ZNHIT6: variants seen among roughly 807,000 people sequenced by gnomAD.
ZNHIT6 encodes the protein box C/D snoRNA protein 1.
ZNHIT6 carries 45 observed loss-of-function variants against 57.2 expected under a neutral mutation model. That is an observed-to-expected ratio of 0.79 (90% CI 0.62 to 1.01). The LOEUF (loss-of-function observed/expected upper bound fraction) is 1.01. Ranked by LOEUF, ZNHIT6 falls within the 50% of genes least tolerant of loss-of-function variation. ZNHIT6 has a pLI of 0.00. For missense variants in ZNHIT6, 528 were observed against 567.3 expected (o/e 0.93, Z 0.70); for synonymous variants, 188 against 190.0 (o/e 0.99, Z 0.09).
At chr1:85,655,078 A>G (rs1661025791) in intron 9 of ZNHIT6, among the ~76,000 whole-genome samples, 1 of 152,192 alleles carries the variant, frequency 6.6e-6, no homozygotes. Flanking sequence ...TTCTAAGAGT[A>G]AGGCACTGAA....
chr1:85,694,474 T>TA (rs1169391316), intron 5 of ZNHIT6, among the ~76,000 whole-genome samples: 1 of 151,858 alleles, frequency 6.6e-6, no homozygotes, highest in Non-Finnish European at 1.5e-5. Context: ...TTTTCTTTTT[T>TA]TTTTTGAGAC....
intron 5 of ZNHIT6, among the ~76,000 whole-genome samples, chr1:85,683,519 T>C (rs1337141468): frequency 6.7e-6 from 1 of 148,448 alleles, no homozygotes; most frequent in East Asian, 2.0e-4. Context: ...CAAGATTCCG[T>C]CACAGAAAAA....
At chr1:85,688,498 A>G (rs1390086565) in intron 5 of ZNHIT6, among the ~76,000 whole-genome samples, 1 of 152,248 alleles carries the variant, frequency 6.6e-6, no homozygotes, top group Non-Finnish European at 1.5e-5. Context: ...ATATTTTAAA[A>G]TCATTTTTAA....
Position 85,649,829 on chromosome 1 carries a change from C to G in ZNHIT6, c.*4229G>C, listed in dbSNP as rs530252307. The G allele has an allele frequency of 3.3e-5, 5 of 151,758 alleles. No individual in the cohort carries two copies. The highest frequency in any genetic ancestry group is 1.2e-4 in the African/African-American group (5 of 41,334). The allele number at this position is 151,758 out of a possible 1,614,324, so 9.4% of individuals were successfully genotyped here. A position where few individuals can be genotyped will look rare whatever the true frequency, so the allele number is the denominator to read the frequency against. On this transcript the variant is annotated 3_prime_UTR_variant, in exon 10 of 10. Transcript: ENST00000370574. The stretch of plus-strand genomic sequence containing the variant: ...GTGCATCTGCTCAAACTAGCAACAA[C>G]ATGATGTCAAATAAAAATGGATGGC...
intron 5 of ZNHIT6, among the ~76,000 whole-genome samples, chr1:85,689,952 C>G (rs1240631862): frequency 6.6e-6 from 1 of 152,062 alleles, no homozygotes; most frequent in African/African-American, 2.4e-5. Flanking sequence ...AAAATGAATA[C>G]CAGCACTAAA....
chr1:85,692,384 T>A (rs1662245129), intron 5 of ZNHIT6, among the ~76,000 whole-genome samples: 1 of 152,224 alleles, frequency 6.6e-6, no homozygotes, highest in East Asian at 1.9e-4. Flanking sequence ...CCCTTACCAC[T>A]GTCTGCATGG....
At chr1:85,701,315 A>C (rs1403616014) in intron 5 of ZNHIT6, among the ~76,000 whole-genome samples, 6 of 152,190 alleles carry the variant, frequency 3.9e-5, no homozygotes, top group African/African-American at 1.4e-4. Flanking sequence ...AGAGAAAGGA[A>C]GTTGATTTGT....
rs547922579 is a variant in ZNHIT6, at chr1:85,678,322, T to C, written c.1169+379A>G. On this transcript the variant is annotated intron_variant, in intron 7 of 9. Transcript: ENST00000370574. ...CTCAAAGGTAGTTTAGTTTAAGGGT[T>C]AAGAGTAAAGACTTTGACTCCAGAC... 4.6e-5 allele frequency among the ~76,000 whole-genome samples: 7 copies of C among 152,288 alleles called. No individual in the cohort carries two copies. In the South Asian group the frequency reaches 1.4e-3, roughly 32 times the overall value.
chr1:85,705,936 T>G, intron 4 of ZNHIT6, 142 bp downstream of exon 4: 1 of 671,474 alleles, frequency 1.5e-6, no homozygotes, highest in Non-Finnish European at 2.5e-6. Context: ...GGACTTTGTT[T>G]GGGTCACAGC....
chr1:85,689,322 A>G (rs1407595749), intron 5 of ZNHIT6, among the ~76,000 whole-genome samples: 1 of 152,196 alleles, frequency 6.6e-6, no homozygotes, highest in Non-Finnish European at 1.5e-5. Flanking sequence ...AGTCTCTCAA[A>G]AATAAATGGA....
chr1:85,701,688 A>G (rs1012583478), intron 5 of ZNHIT6, among the ~76,000 whole-genome samples: 1 of 152,188 alleles, frequency 6.6e-6, no homozygotes, highest in African/African-American at 2.4e-5. Context: ...TTGTCCTGGA[A>G]GCCCCTGAAA....
chr1:85,663,923 C>T (rs1661291910), intron 8 of ZNHIT6, among the ~76,000 whole-genome samples: 3 of 117,786 alleles, frequency 2.5e-5, no homozygotes, highest in South Asian at 7.0e-4. Flanking sequence ...GTAGGTGATC[C>T]GTCTCTGTAG....
intron 5 of ZNHIT6, among the ~76,000 whole-genome samples, chr1:85,686,317 T>C (rs1438963594): frequency 1.3e-5 from 2 of 152,142 alleles, no homozygotes; most frequent in Non-Finnish European, 2.9e-5. Flanking sequence ...CATTTAAGAA[T>C]TCTCTTTTGC....
intron 8 of ZNHIT6, among the ~76,000 whole-genome samples, chr1:85,661,571 C>A (rs1487809064): frequency 6.6e-6 from 1 of 152,178 alleles, no homozygotes; most frequent in East Asian, 1.9e-4. Context: ...TGTAGCCTTA[C>A]AACTTTCTGT....
chr1:85,707,657 C>T lies in ZNHIT6; in HGVS notation c.628G>A (p.Gly210Ser), dbSNP rs200373196. ...KEEPPINHPV[G>S]CKRKLAMSRC... The stretch of plus-strand genomic sequence containing the variant: ...GACATGGCCAGTTTCCGCTTGCAGC[C>T]CACCGGGTGATTTATCGGAGGCTCT... Residue 210 changes from glycine to serine, a missense_variant, in exon 1 of 10, where the codon GGC (glycine) becomes AGC (serine). By Grantham distance (56) the Gly-to-Ser change is moderately conservative. Transcript: ENST00000370574. 13 of 1,558,780 alleles carry T rather than the reference C, an allele frequency of 8.3e-6. No individual in the cohort carries two copies. The highest frequency in any genetic ancestry group is 1.0e-5 in the Non-Finnish European group (12 of 1,157,004).
chr1:85,706,637 C>T, intron 1 of ZNHIT6, 130 bp from the exon 2 acceptor site: 1 of 833,956 alleles, frequency 1.2e-6, no homozygotes. Context: ...TGTTGAACAT[C>T]ATTTGAAAAT....
intron 5 of ZNHIT6, among the ~76,000 whole-genome samples, chr1:85,700,837 C>T (rs144913454): frequency 3.3e-5 from 5 of 152,228 alleles, no homozygotes; most frequent in African/African-American, 9.6e-5. Flanking sequence ...GACAGGGTCT[C>T]ATTCTGTCAC....
chr1:85,683,905 T>G (rs919415888), intron 5 of ZNHIT6, among the ~76,000 whole-genome samples: 1 of 152,024 alleles, frequency 6.6e-6, no homozygotes, highest in Non-Finnish European at 1.5e-5. Context: ...ACCCTCTAGA[T>G]GAGTGTTCCA....
intron 8 of ZNHIT6, among the ~76,000 whole-genome samples, chr1:85,665,531 A>G (rs1037029324): frequency 1.3e-5 from 2 of 152,066 alleles, no homozygotes; most frequent in Non-Finnish European, 2.9e-5. Flanking sequence ...TTTTCTTGTG[A>G]TAAGAACACT....
Sources: allele counts gnomAD v4.1 joint callset (sites outside exome capture counted in the v4.1 genomes callset), GRCh38; gene constraint gnomAD v4.1.1; transcripts MANE v1.5; gene names NCBI Gene and HGNC (gene_info 2026-07-23, HGNC 2026-07-21).